WLS: variants seen among roughly 807,000 people sequenced by gnomAD.
WLS encodes the protein protein wntless homolog.
A neutral mutation model predicts 62.8 loss-of-function variants in WLS; 23 were observed. That is an observed-to-expected ratio of 0.37 (90% CI 0.26 to 0.52). The LOEUF (loss-of-function observed/expected upper bound fraction) is 0.52, where lower values mean the gene tolerates loss of function less well. Ranked by LOEUF, WLS falls within the 20% of genes least tolerant of loss-of-function variation. WLS has a pLI of 0.92. For missense variants in WLS, 615 were observed against 697.3 expected (o/e 0.88, Z 1.33); for synonymous variants, 246 against 244.1 (o/e 1.01, Z -0.07).
chr1:68,182,722 T>C (rs1647661205), intron 2 of WLS, among the ~76,000 whole-genome samples: 1 of 152,188 alleles, frequency 6.6e-6, no homozygotes, highest in African/African-American at 2.4e-5. Context: ...ATCTTTTTGA[T>C]GTATTTTGAG....
intron 2 of WLS, among the ~76,000 whole-genome samples, chr1:68,173,120 A>C (rs1213221109): frequency 6.6e-6 from 1 of 152,250 alleles, no homozygotes; most frequent in Non-Finnish European, 1.5e-5. Context: ...ATATTTTCTA[A>C]GGAATTTGTT....
intron 11 of WLS, among the ~76,000 whole-genome samples, chr1:68,135,151 CT>C (rs397980421): frequency 9.1e-6 from 1 of 109,650 alleles, no homozygotes; most frequent in African/African-American, 3.0e-5. Context: ...CTTTTCTTTT[CT>C]TTTGAGACAG....
intron 10 of WLS, 74 bp from the exon 11 acceptor site, chr1:68,138,007 C>A: frequency 3.2e-6 from 5 of 1,563,428 alleles, no homozygotes; most frequent in Non-Finnish European, 4.3e-6. Context: ...ATAAAGGAAC[C>A]AACCAACATG....
chr1:68,189,016 A>G (rs1383716440), intron 2 of WLS, among the ~76,000 whole-genome samples: 1 of 152,230 alleles, frequency 6.6e-6, no homozygotes, highest in Non-Finnish European at 1.5e-5. Flanking sequence ...TAAAAATATT[A>G]GATGAAAAAT....
Position 68,232,331 on chromosome 1 carries a change from A to C in WLS, c.-32T>G, listed in dbSNP as rs773049360. 2 of 1,611,494 alleles carry C rather than the reference A, an allele frequency of 1.2e-6. No homozygotes were observed. The highest frequency in any genetic ancestry group is 3.4e-5 in the Admixed American group (2 of 59,648). On this transcript the variant is annotated 5_prime_UTR_variant, in exon 1 of 12. Transcript: ENST00000262348. ...GCCCCCCCTTTTTCTTTTCTCCTTG[A>C]AATAAATGTTTTAGGGTGAGCTTTT... is the stretch of plus-strand genomic sequence containing the variant.
Position 68,148,062 on chromosome 1 carries a change from G to A in WLS, c.1134+74C>T. On this transcript the variant is annotated intron_variant, in intron 8 of 11. Transcript: ENST00000262348. Reference sequence around the variant, plus strand: ...AGTACATATGGGGAGCATCAGCAGAGCCTTAGAAAATGATCTTGGGGACTG... The same window carrying A: ...AGTACATATGGGGAGCATCAGCAGAACCTTAGAAAATGATCTTGGGGACTG... The A allele has an allele frequency of 6.6e-6, 10 of 1,512,986 alleles. No individual in the cohort carries two copies. In the South Asian group the frequency reaches 1.1e-4, roughly 17 times the overall value. The allele number at this position is 1,512,986 out of a possible 1,614,324, so 93.7% of individuals were successfully genotyped here.
At chr1:68,223,811 G>A (rs760575502) in intron 1 of WLS, among the ~76,000 whole-genome samples, 1 of 152,136 alleles carries the variant, frequency 6.6e-6, no homozygotes, top group Non-Finnish European at 1.5e-5. Flanking sequence ...CAGAGTCCTA[G>A]CCAAGTTTCT....
At chr1:68,207,953 G>A (rs1331723167) in intron 1 of WLS, among the ~76,000 whole-genome samples, 1 of 152,228 alleles carries the variant, frequency 6.6e-6, no homozygotes, top group Admixed American at 6.5e-5. Flanking sequence ...TCTCTGTTCT[G>A]TCTTCTTGCC....
At chr1:68,162,193 G>A (rs931161926) in intron 2 of WLS, 7 of 1,431,108 alleles carry the variant, frequency 4.9e-6, no homozygotes, top group Admixed American at 1.7e-5. Context: ...AAAGGGCTCC[G>A]ACTCACGCAC....
chr1:68,194,360 A>T, intron 1 of WLS, 133 bp from the exon 2 acceptor site: 1 of 1,181,976 alleles, frequency 8.5e-7, no homozygotes, highest in Non-Finnish European at 1.2e-6. Context: ...AGCAATACTT[A>T]GGGATCTTCC....
intron 11 of WLS, among the ~76,000 whole-genome samples, chr1:68,099,532 ACT>A (rs1318487181): frequency 5.9e-5 from 9 of 152,146 alleles, no homozygotes; most frequent in African/African-American, 2.2e-4. Context: ...TGGATGCCAA[ACT>A]CTGCAGATAC....
intron 1 of WLS, among the ~76,000 whole-genome samples, chr1:68,223,493 A>T (rs1265168518): frequency 6.6e-6 from 1 of 152,210 alleles, no homozygotes; most frequent in East Asian, 1.9e-4. Flanking sequence ...AATGGATAAT[A>T]AACAGTGTCG....
intron 11 of WLS, among the ~76,000 whole-genome samples, chr1:68,130,937 A>G (rs1646510496): frequency 7.8e-6 from 1 of 128,156 alleles, no homozygotes; most frequent in Non-Finnish European, 1.6e-5. Flanking sequence ...TCTGTCACCC[A>G]GGCTGGAGTG....
chr1:68,103,422 T>C (rs964401655), intron 11 of WLS, among the ~76,000 whole-genome samples: 51 of 152,250 alleles, frequency 3.3e-4, no homozygotes, highest in African/African-American at 1.2e-3. Context: ...GCCAAAAAGC[T>C]AAAGGGATTA....
In WLS at chr1:68,232,306, GCCC is replaced by G; in HGVS notation, c.-10_-8del. 1 of 1,612,542 alleles carries G rather than the reference GCCC, an allele frequency of 6.2e-7. No homozygotes were observed. ...CTATAATTGCCCCAGCCATTTTTGC[GCCC>G]CCCCTTTTTCTTTTCTCCTTGAAAT... On this transcript the variant is annotated 5_prime_UTR_variant, in exon 1 of 12. Transcript: ENST00000262348.
intron 2 of WLS, chr1:68,186,698 A>G: frequency 2.2e-6 from 1 of 455,428 alleles, no homozygotes; most frequent in Non-Finnish European, 4.4e-6. Context: ...AAAAGTAGAG[A>G]GTCTCATGCA....
intron 2 of WLS, among the ~76,000 whole-genome samples, chr1:68,181,723 G>T (rs181814034): frequency 1.4e-4 from 22 of 152,242 alleles, no homozygotes; most frequent in African/African-American, 5.3e-4. Context: ...GTGCCACCGT[G>T]GGCGAGTACC....
intron 3 of WLS, among the ~76,000 whole-genome samples, chr1:68,156,390 A>G (rs932468506): frequency 6.6e-6 from 1 of 152,182 alleles, no homozygotes; most frequent in Non-Finnish European, 1.5e-5. Context: ...GAAGATAACA[A>G]AGAGTCCATA....
At chr1:68,184,549 T>C (rs377598489) in intron 2 of WLS, among the ~76,000 whole-genome samples, 10 of 152,216 alleles carry the variant, frequency 6.6e-5, no homozygotes, top group Non-Finnish European at 1.5e-5. Context: ...TCATAATACA[T>C]CCAGACTCTA....
Sources: allele counts gnomAD v4.1 joint callset (sites outside exome capture counted in the v4.1 genomes callset), GRCh38; gene constraint gnomAD v4.1.1; transcripts MANE v1.5; gene names NCBI Gene and HGNC (gene_info 2026-07-23, HGNC 2026-07-21).